Variants in ROBO2 observed in about 807,000 individuals in gnomAD.
ROBO2 encodes roundabout homolog 2.
Under a neutral mutation model 160.8 loss-of-function variants are expected in ROBO2, and 53 were observed. The observed-to-expected ratio is 0.33, with a 90% confidence interval of 0.26 to 0.41. The LOEUF (loss-of-function observed/expected upper bound fraction) is 0.41. Among genes scored for constraint, ROBO2 ranks in the 10% least tolerant of loss-of-function variants. The pLI is 1.00. For synonymous variants in ROBO2, 664 were observed against 611.7 expected (o/e 1.09, Z -1.26); for missense variants, 1,577 against 1,722.4 (o/e 0.92, Z 1.49).
At position 77,577,549 on chromosome 3, in the gene ROBO2, A is replaced by C. The variant is rs910956713; in HGVS notation, c.2263A>C (p.Ser755Arg). 4 of 1,613,414 alleles carry C rather than the reference A, an allele frequency of 2.5e-6. No homozygotes were observed. The highest frequency in any genetic ancestry group is 2.5e-6 in the Non-Finnish European group (3 of 1,179,592). The stretch of plus-strand genomic sequence containing the variant: ...GACAGTTGGAAGCTACAATAGCACA[A>C]GTATTAGTGTTTCCTGGGATCCTCC... Residue 755 changes from serine (S) to arginine (R), a missense_variant, in exon 15 of 26, where the codon AGT becomes CGT. Around this residue, in one of 2 missense-constraint regions of ROBO2, gnomAD observed 940 missense variants for 1,135.5 expected, o/e 0.83. Coordinates refer to ENST00000461745, the Ensembl canonical transcript of ROBO2.
At chr3:76,970,414 G>C (rs2059517511) in intron 2 of ROBO2, among the ~76,000 whole-genome samples, 1 of 152,148 alleles carries the variant, frequency 6.6e-6, no homozygotes, top group Admixed American at 6.6e-5. Flanking sequence ...ATGCATACTT[G>C]AGAGGTGACC....
intron 2 of ROBO2, among the ~76,000 whole-genome samples, chr3:75,979,943 C>T (rs575462762): frequency 6.6e-6 from 1 of 151,370 alleles, no homozygotes; most frequent in African/African-American, 2.4e-5. Flanking sequence ...TAAAAAATAC[C>T]CATAGGAGCC....
chr3:77,074,548 A>G (rs1167735823), intron 1 of ROBO2, among the ~76,000 whole-genome samples: 4 of 152,226 alleles, frequency 2.6e-5, no homozygotes, highest in African/African-American at 9.6e-5. Flanking sequence ...TGTTTCCTTT[A>G]GGATGGAAGA....
intron 2 of ROBO2, among the ~76,000 whole-genome samples, chr3:77,100,665 G>C (rs1447897453): frequency 6.6e-6 from 1 of 152,062 alleles, no homozygotes; most frequent in East Asian, 1.9e-4. Context: ...GAATAGCAAT[G>C]AAGACACATT....
chr3:75,982,333 T>C (rs944545683), intron 2 of ROBO2, among the ~76,000 whole-genome samples: 1 of 151,548 alleles, frequency 6.6e-6, no homozygotes, highest in Admixed American at 6.6e-5. Context: ...TTTTTAGTTT[T>C]TTGAGGAACT....
At chr3:77,226,906 C>CA (rs1411610747) in intron 2 of ROBO2, among the ~76,000 whole-genome samples, 1 of 152,120 alleles carries the variant, frequency 6.6e-6, no homozygotes, top group Non-Finnish European at 1.5e-5. Flanking sequence ...ATTGTGAAGT[C>CA]AAAAAATCAT....
chr3:76,601,464 G>T (rs2087135999), intron 2 of ROBO2, among the ~76,000 whole-genome samples: 1 of 152,220 alleles, frequency 6.6e-6, no homozygotes, highest in Non-Finnish European at 1.5e-5. Flanking sequence ...TCTAGGCAGA[G>T]GTTCCCAAAT....
chr3:75,912,080 C>T (rs1946621939), intron 1 of ROBO2, among the ~76,000 whole-genome samples: 1 of 152,198 alleles, frequency 6.6e-6, no homozygotes, highest in Non-Finnish European at 1.5e-5. Context: ...TTGCACAAAA[C>T]ATTCCCATCT....
At chr3:76,657,006 T>C (rs1410849530) in intron 2 of ROBO2, among the ~76,000 whole-genome samples, 3 of 152,208 alleles carry the variant, frequency 2.0e-5, no homozygotes, top group Non-Finnish European at 4.4e-5. Context: ...TAATCAAGTC[T>C]CTAAGCACCT....
At chr3:77,467,248 ATGTAT>A (rs1374911128) in intron 2 of ROBO2, among the ~76,000 whole-genome samples, 1 of 152,214 alleles carries the variant, frequency 6.6e-6, no homozygotes, top group Non-Finnish European at 1.5e-5. Context: ...ATGTAAACAA[ATGTAT>A]TGAATTCAAA....
intron 2 of ROBO2, chr3:76,434,562 T>C (rs1048719483): frequency 1.6e-5 from 26 of 1,588,434 alleles, no homozygotes; most frequent in Non-Finnish European, 2.2e-5. Flanking sequence ...TATTTAAGTA[T>C]ACGGACAGAG....
At chr3:76,898,168 A>G (rs1237140006) in intron 2 of ROBO2, among the ~76,000 whole-genome samples, 3 of 152,116 alleles carry the variant, frequency 2.0e-5, no homozygotes, top group African/African-American at 7.2e-5. Context: ...AAATTATTAC[A>G]TCTCATGGAA....
chr3:77,012,870 T>A (rs1352788911), intron 2 of ROBO2, among the ~76,000 whole-genome samples: 1 of 152,192 alleles, frequency 6.6e-6, no homozygotes, highest in African/African-American at 2.4e-5. Flanking sequence ...CTCAGTCCAA[T>A]TATATTTCCC....
chr3:77,598,353 G>C (rs2094352745), intron 19 of ROBO2, among the ~76,000 whole-genome samples: 2 of 150,836 alleles, frequency 1.3e-5, no homozygotes, highest in African/African-American at 2.4e-5. Flanking sequence ...ATGAGAAGGG[G>C]AACTCCCTTC....
At chr3:76,588,746 T>C (rs1210774080) in intron 2 of ROBO2, among the ~76,000 whole-genome samples, 3 of 152,228 alleles carry the variant, frequency 2.0e-5, no homozygotes, top group Non-Finnish European at 2.9e-5. Context: ...CATTTTTAAG[T>C]GTTAATTTGA....
intron 2 of ROBO2, among the ~76,000 whole-genome samples, chr3:77,320,262 T>C (rs2153430569): frequency 1.3e-5 from 2 of 152,298 alleles, no homozygotes; most frequent in Middle Eastern, 6.8e-3. Context: ...TCTTGATTTC[T>C]AGCAATTGCT....
At chr3:77,068,890 T>G (rs914496043) in intron 1 of ROBO2, among the ~76,000 whole-genome samples, 1 of 152,130 alleles carries the variant, frequency 6.6e-6, no homozygotes, top group African/African-American at 2.4e-5. Context: ...TATAATAAAT[T>G]TTTTTACATT....
chr3:77,328,287 C>T (rs1168200995), intron 2 of ROBO2, among the ~76,000 whole-genome samples: 1 of 152,006 alleles, frequency 6.6e-6, no homozygotes, highest in African/African-American at 2.4e-5. Context: ...GAGGAATTAA[C>T]CAAATGCTAC....
At chr3:76,647,593 AAT>A (rs2091040720) in intron 2 of ROBO2, among the ~76,000 whole-genome samples, 1 of 152,218 alleles carries the variant, frequency 6.6e-6, no homozygotes, top group African/African-American at 2.4e-5. Flanking sequence ...GATGAATTTT[AAT>A]ATAACCTTGA....
Sources: gnomAD v4.1 joint callset for allele counts (sites outside exome capture counted in the v4.1 genomes callset) on GRCh38, gnomAD v4.1.1 for gene constraint, gnomAD v4.1.1 regional missense constraint, MANE v1.5 for transcripts, NCBI Gene and HGNC (gene_info 2026-07-23, HGNC 2026-07-21) for gene names.